SYN3: variants seen among roughly 807,000 people sequenced by gnomAD.
SYN3 encodes the protein synapsin III, also known as synapsin-3.
In SYN3, 35 loss-of-function variants were observed where a neutral mutation model predicts 65.8. That is an observed-to-expected ratio of 0.53 (90% CI 0.41 to 0.70). The LOEUF is 0.70. SYN3 is among the 30% of genes least tolerant of loss of function. The pLI is 0.00. For missense variants in SYN3, 680 were observed against 749.0 expected, an observed-to-expected ratio of 0.91 and a Z score of 1.08; for synonymous variants, 270 against 292.9, an observed-to-expected ratio of 0.92 and a Z score of 0.80.
chr22:33,020,113 G>T (rs143483395), intron 1 of SYN3, among the ~76,000 whole-genome samples: 1 of 152,186 alleles, frequency 6.6e-6, no homozygotes, highest in African/African-American at 2.4e-5. Flanking sequence ...GAACACAGAG[G>T]CCCCACAGTC....
chr22:33,004,319 C>T (rs543355904), intron 2 of SYN3, among the ~76,000 whole-genome samples: 34 of 152,340 alleles, frequency 2.2e-4, no homozygotes, highest in Admixed American at 3.3e-4. Flanking sequence ...AAAGACACAA[C>T]GCCAGCCTGT....
chr22:32,912,781 T>C (rs1369073267), intron 4 of SYN3, among the ~76,000 whole-genome samples: 2 of 151,928 alleles, frequency 1.3e-5, no homozygotes, highest in Non-Finnish European at 2.9e-5. Context: ...CAACATGACA[T>C]CTAGCAAAGG....
At chr22:32,605,075 T>C (rs1247081042) in intron 6 of SYN3, among the ~76,000 whole-genome samples, 2 of 150,942 alleles carry the variant, frequency 1.3e-5, no homozygotes, top group East Asian at 1.9e-4. Context: ...CCACTCCCCA[T>C]AGGTGGTCTG....
chr22:32,688,835 C>T (rs2060626409), intron 6 of SYN3, among the ~76,000 whole-genome samples: 2 of 152,200 alleles, frequency 1.3e-5, no homozygotes, highest in South Asian at 2.1e-4. Flanking sequence ...TGAAGCAGTC[C>T]TCAGCGGGTA....
At chr22:32,942,446 A>C (rs533821174) in intron 3 of SYN3, among the ~76,000 whole-genome samples, 14 of 152,366 alleles carry the variant, frequency 9.2e-5, no homozygotes, top group Middle Eastern at 6.8e-3. Context: ...CCCCATTTGT[A>C]CGTCACCATC....
chr22:32,522,864 G>A (rs759456674), intron 12 of SYN3, among the ~76,000 whole-genome samples: 1 of 152,002 alleles, frequency 6.6e-6, no homozygotes, highest in African/African-American at 2.4e-5. Context: ...CACTGCAAAG[G>A]CAGTGAGATA....
chr22:32,686,689 G>C (rs796141936), intron 6 of SYN3, among the ~76,000 whole-genome samples: 1 of 127,494 alleles, frequency 7.8e-6, no homozygotes, highest in African/African-American at 3.0e-5. Flanking sequence ...CTCCACTCCC[G>C]GGTTCAAGTG....
chr22:32,919,206 C>T (rs763982188), intron 4 of SYN3, among the ~76,000 whole-genome samples: 3 of 152,216 alleles, frequency 2.0e-5, no homozygotes, highest in Non-Finnish European at 2.9e-5. Context: ...TCCATACACA[C>T]GGGGCTCGCT....
At chr22:33,044,801 G>GCCTAGCCACCTGCATTTTTAACAACCTTC (rs1295201614) in intron 1 of SYN3, among the ~76,000 whole-genome samples, 3 of 151,030 alleles carry the variant, frequency 2.0e-5, no homozygotes, top group Non-Finnish European at 2.9e-5. Context: ...AGGGATCAGG[G>GCCTAGCCACCTGCATTTTTAACAACCTTC]CCTAGCCACC....
chr22:32,858,003 CT>C (rs761484295), intron 6 of SYN3: 1 of 1,614,188 alleles, frequency 6.2e-7, no homozygotes, highest in Non-Finnish European at 8.5e-7. Flanking sequence ...TTGTTTTCTT[CT>C]TTCCTCCTGT....
chr22:32,953,816 TCTC>T (rs1382064216), intron 3 of SYN3, among the ~76,000 whole-genome samples: 1 of 152,134 alleles, frequency 6.6e-6, no homozygotes, highest in Non-Finnish European at 1.5e-5. Flanking sequence ...TGGAGATGAT[TCTC>T]CTCCTCATCC....
chr22:32,711,618 C>A (rs550832759), intron 6 of SYN3, among the ~76,000 whole-genome samples: 2 of 152,176 alleles, frequency 1.3e-5, no homozygotes, highest in Non-Finnish European at 2.9e-5. Flanking sequence ...CACCTGTACT[C>A]AAAATAACTG....
At chr22:32,547,023 A>G in intron 7 of SYN3, among the ~76,000 whole-genome samples, 1 of 151,914 alleles carries the variant, frequency 6.6e-6, no homozygotes, top group Non-Finnish European at 1.5e-5. Context: ...CTGTCGCCTA[A>G]GCTGGAGCGC....
intron 1 of SYN3, among the ~76,000 whole-genome samples, chr22:33,023,836 A>G (rs568953872): frequency 1.2e-3 from 190 of 152,256 alleles, no homozygotes; most frequent in Non-Finnish European, 1.9e-3. Context: ...TTCAAAATAA[A>G]TTTCAATGAT....
At position 33,006,519 on chromosome 22, in the gene SYN3, C is replaced by A. The variant is rs141682186; in HGVS notation, c.144G>T (p.Leu48=). 5.4e-3 allele frequency: 8,790 copies of A among 1,614,176 alleles called. 43 individuals are homozygous for A. The highest frequency in any genetic ancestry group is 0.017 in the Middle Eastern group (103 of 6,062). Residue 48 remains leucine (L), a synonymous_variant, in exon 2 of 14, where the codon CTG becomes CTT. Transcript: ENST00000358763. ...PAMERRHPQP[L]AASFSSPGSS... ...ATCCTGGAGAGGAGAAGGAGGCAGC[C>A]AGGGGCTGGGGGTGCCTCCTCTCCA...
At chr22:32,536,540 G>T (rs891623213) in intron 9 of SYN3, among the ~76,000 whole-genome samples, 33 of 152,332 alleles carry the variant, frequency 2.2e-4, no homozygotes, top group African/African-American at 7.2e-4. Flanking sequence ...AGTCTCCAGG[G>T]GTGCAGACCT....
At chr22:33,038,714 C>G (rs1467786705) in intron 1 of SYN3, among the ~76,000 whole-genome samples, 2 of 152,170 alleles carry the variant, frequency 1.3e-5, no homozygotes, top group Non-Finnish European at 1.5e-5. Flanking sequence ...GTTCCTGGAG[C>G]CCCTGCCACC....
chr22:32,604,109 T>C (rs548186139), intron 6 of SYN3, among the ~76,000 whole-genome samples: 8 of 152,198 alleles, frequency 5.3e-5, no homozygotes, highest in African/African-American at 1.9e-4. Flanking sequence ...GACTTTAGAG[T>C]GGCCCGGACA....
intron 4 of SYN3, among the ~76,000 whole-genome samples, chr22:32,878,536 T>C (rs1601606028): frequency 6.6e-6 from 1 of 152,202 alleles, no homozygotes; most frequent in Non-Finnish European, 1.5e-5. Flanking sequence ...TGTTGAGTGT[T>C]ATGTGATTTC....
Sources: allele counts gnomAD v4.1 joint callset (sites outside exome capture counted in the v4.1 genomes callset), GRCh38; gene constraint gnomAD v4.1.1; transcripts MANE v1.5; gene names NCBI Gene and HGNC (gene_info 2026-07-23, HGNC 2026-07-21).